ANKRD11: variants seen among roughly 807,000 people sequenced by gnomAD.
ANKRD11 encodes the protein ankyrin repeat domain 11.
Under a neutral mutation model 195.7 loss-of-function variants are expected in ANKRD11, and 17 were observed. The ratio of observed to expected loss-of-function variants is 0.09; its 90% CI spans 0.06 to 0.13. The LOEUF is 0.13. Ranked by LOEUF, ANKRD11 falls within the 10% of genes least tolerant of loss-of-function variation. The probability of loss-of-function intolerance (pLI) is 1.00; values close to 1 mark genes in which losing one functional copy is unlikely to be tolerated. For synonymous variants in ANKRD11, 1,953 were observed against 1,528.1 expected (o/e 1.28, Z -6.49); for missense variants, 3,735 against 3,566.1 (o/e 1.05, Z -1.21).
intron 1 of ANKRD11, among the ~76,000 whole-genome samples, chr16:89,435,851 G>A (rs935839298): frequency 2.7e-5 from 4 of 148,594 alleles, no homozygotes; most frequent in African/African-American, 2.5e-5. Flanking sequence ...CGGTCTGTTC[G>A]CTCAAGGAAC....
intron 2 of ANKRD11, among the ~76,000 whole-genome samples, chr16:89,372,421 G>C (rs1567713971): frequency 6.6e-6 from 1 of 152,168 alleles, no homozygotes; most frequent in Non-Finnish European, 1.5e-5. Flanking sequence ...CGACAAGGCA[G>C]TGGCAGGCGG....
chr16:89,462,035 C>T (rs1275357341), intron 1 of ANKRD11, among the ~76,000 whole-genome samples: 1 of 141,698 alleles, frequency 7.1e-6, no homozygotes, highest in Non-Finnish European at 1.5e-5. Flanking sequence ...TCTCCCTCCC[C>T]CTCTCCCTCT....
chr16:89,284,415 T>C lies in ANKRD11; in HGVS notation c.2127A>G (p.Glu709=), dbSNP rs1471961287. 1.2e-6 allele frequency: 2 copies of C among 1,613,522 alleles called. No homozygotes were observed. Among genetic ancestry groups the C allele is most frequent in the Non-Finnish European group, 1.7e-6 (2 of 1,179,952 alleles). The change falls in exon 9 of 13, where the codon GAA becomes GAG. Residue 709 remains glutamate, a synonymous_variant. Coordinates refer to ENST00000301030, the MANE Select transcript of ANKRD11 (RefSeq NM_013275.6). Reference sequence around the variant, plus strand: ...GTGATTTTTCATCTTTAAAGAGCCATTCTTTTTCTTCTAATTTCATTTTGC... The same window carrying C: ...GTGATTTTTCATCTTTAAAGAGCCACTCTTTTTCTTCTAATTTCATTTTGC... ...KLSKMKLEEK[E]WLFKDEKSLK...
rs756318130 is a variant in ANKRD11, at chr16:89,281,880, C to G, written c.4662G>C (p.Lys1554Asn). 1.2e-6 allele frequency: 2 copies of G among 1,613,924 alleles called. No individual in the cohort carries two copies. The highest frequency in any genetic ancestry group is 2.2e-5 in the East Asian group (1 of 44,870). ...TGCCTGGGTCTTTGGATGGCGCTAC[C>G]TTATCATTCCCGTTGCTCATCTTCA... ...DPVKMSNGND[K>N]VAPSKDPGKK... The change falls in exon 9 of 13, where the codon AAG (lysine) becomes AAC (asparagine). Residue 1554 changes from lysine to asparagine, a missense_variant. Coordinates refer to ENST00000301030, the MANE Select transcript of ANKRD11 (RefSeq NM_013275.6). The surrounding 1 kb of genome is among the most constrained non-coding windows in gnomAD (Gnocchi z 5.5).
intron 1 of ANKRD11, among the ~76,000 whole-genome samples, chr16:89,441,702 C>T (rs563434352): frequency 4.7e-5 from 6 of 128,990 alleles, no homozygotes; most frequent in Admixed American, 3.8e-4. Context: ...AGGAGGCGGA[C>T]TATGCAGTGA....
At chr16:89,308,468 C>T (rs2036424274) in intron 3 of ANKRD11, among the ~76,000 whole-genome samples, 1 of 152,172 alleles carries the variant, frequency 6.6e-6, no homozygotes, top group African/African-American at 2.4e-5. Flanking sequence ...CCAACAGGCA[C>T]TTCACAAAAG....
rs1312365389 is a variant in ANKRD11 at position 89,287,459 on chromosome 16, T to C, written c.744+1069A>G. On this transcript the variant is annotated intron_variant, in intron 7 of 12. Transcript: ENST00000301030. ...CCTTGACATTTTTCGTAATAAAAAG[T>C]TTAAAAGTGGTAATTACAGAACTAT... 9 of 231,148 alleles carry C rather than the reference T, an allele frequency of 3.9e-5. No individual in the cohort carries two copies. The South Asian group carries it at 4.6e-4, about 12-fold the overall frequency. 14.3% of individuals were successfully genotyped at this position (231,148 alleles called of 1,614,324 possible).
At chr16:89,389,907 G>GAGA (rs55674701) in intron 2 of ANKRD11, among the ~76,000 whole-genome samples, 6 of 101,710 alleles carry the variant, frequency 5.9e-5, no homozygotes, top group Admixed American at 1.1e-4. Context: ...AGCACCGAGA[G>GAGA]AGATCACTGG....
intron 11 of ANKRD11, among the ~76,000 whole-genome samples, chr16:89,273,672 G>A (rs1296032355): frequency 6.6e-6 from 1 of 151,806 alleles, no homozygotes; most frequent in Non-Finnish European, 1.5e-5. Flanking sequence ...ACTCCAGCCT[G>A]GCAACAGAGC....
rs777249243 is a variant in ANKRD11, at chr16:89,283,135, T to G, written c.3407A>C (p.Lys1136Thr). The G allele has an allele frequency of 3.5e-5, 57 of 1,613,908 alleles. No individual in the cohort carries two copies. The highest frequency in any genetic ancestry group is 1.6e-4 in the Middle Eastern group (1 of 6,084). The change falls in exon 9 of 13, where the codon AAG (lysine) becomes ACG (threonine). Residue 1136 changes from lysine to threonine, a missense_variant. Transcript: ENST00000301030. This position sits in a 1 kb window ranked among gnomAD's most constrained non-coding sequence, Gnocchi z 4.3. ...DRDSCMGSGF[K>T]MGEASDLPRT... Reference sequence around the variant, plus strand: ...CGGCAAGTCGCTGGCCTCTCCCATCTTGAACCCGCTCCCCATGCAGCTGTC... The same window carrying G: ...CGGCAAGTCGCTGGCCTCTCCCATCGTGAACCCGCTCCCCATGCAGCTGTC...
At chr16:89,326,090 G>C (rs2037701433) in intron 2 of ANKRD11, among the ~76,000 whole-genome samples, 1 of 152,232 alleles carries the variant, frequency 6.6e-6, no homozygotes, top group African/African-American at 2.4e-5. Flanking sequence ...CTTTTACACA[G>C]AAGGCGCCAA....
chr16:89,268,679 C>T lies in ANKRD11; in HGVS notation c.7807-16G>A, dbSNP rs761051391. On this transcript the variant is annotated splice_polypyrimidine_tract_variant and intron_variant, in intron 12 of 12. Transcript: ENST00000301030. Reference sequence around the variant, plus strand: ...GGAGGCAAGTCTGCGGGACACACAGCGGGGAGAGGAGGGAGGAGGAGTGAA... The same window carrying T: ...GGAGGCAAGTCTGCGGGACACACAGTGGGGAGAGGAGGGAGGAGGAGTGAA... The T allele has an allele frequency of 4.4e-6, 7 of 1,576,150 alleles. No homozygotes were observed. The highest frequency in any genetic ancestry group is 1.2e-5 in the South Asian group (1 of 86,362).
At chr16:89,290,979 C>T (rs1188911339) in intron 5 of ANKRD11, 34 bp downstream of exon 5, 3 of 1,610,188 alleles carry the variant, frequency 1.9e-6, no homozygotes, top group Admixed American at 3.3e-5. Context: ...GAGCCCCTTC[C>T]CTGCGCCAGG....
At position 89,280,803 on chromosome 16, in the gene ANKRD11, G is replaced by A. The variant is rs763862589; in HGVS notation, c.5739C>T (p.Thr1913=). Residue 1913 remains threonine, a synonymous_variant, in exon 9 of 13, where the codon ACC becomes ACT. Transcript: ENST00000301030. ...CGGCCGTCGCCTGCTGGTCCTCGGAGGTGTCCAGGTCCGGGGGAAGGGCCC... is the reference window on the plus strand; with the variant it reads ...CGGCCGTCGCCTGCTGGTCCTCGGAAGTGTCCAGGTCCGGGGGAAGGGCCC... ...LEGALPPDLD[T]SEDQQATAAI... 24 of 1,609,242 alleles carry A rather than the reference G, an allele frequency of 1.5e-5. No homozygotes were observed. Among genetic ancestry groups the A allele is most frequent in the South Asian group, 4.4e-5 (4 of 90,910 alleles).
At chr16:89,354,255 A>G (rs1375101149) in intron 2 of ANKRD11, among the ~76,000 whole-genome samples, 2 of 151,904 alleles carry the variant, frequency 1.3e-5, no homozygotes, top group Admixed American at 6.6e-5. Flanking sequence ...AAAAAAAAAA[A>G]AAAAAGAAAA....
chr16:89,462,215 G>A (rs190051207), intron 1 of ANKRD11, among the ~76,000 whole-genome samples: 1,586 of 152,292 alleles, frequency 0.01, 21 homozygotes, highest in African/African-American at 0.036. Context: ...GAGTGCCTGC[G>A]ATTGCAGGCT....
At chr16:89,374,748 C>T (rs1034011570) in intron 2 of ANKRD11, among the ~76,000 whole-genome samples, 1 of 152,186 alleles carries the variant, frequency 6.6e-6, no homozygotes, top group Admixed American at 6.5e-5. Context: ...AACATGCCAG[C>T]TGAAGAACTC....
chr16:89,373,312 C>T (rs1322957934), intron 2 of ANKRD11: 1 of 152,278 alleles, frequency 6.6e-6, no homozygotes, highest in Non-Finnish European at 1.5e-5. Context: ...CAGCATCCAA[C>T]ACAGCAACAC....
chr16:89,346,671 C>T (rs2038956098), intron 2 of ANKRD11, among the ~76,000 whole-genome samples: 1 of 151,988 alleles, frequency 6.6e-6, no homozygotes, highest in African/African-American at 2.4e-5. Context: ...GTAGGAATTT[C>T]GAATATTCAA....
Sources: gnomAD v4.1 joint callset for allele counts (sites outside exome capture counted in the v4.1 genomes callset) on GRCh38, gnomAD v4.1.1 for gene constraint, Gnocchi (gnomAD v3.1) non-coding constraint, MANE v1.5 for transcripts, NCBI Gene and HGNC (gene_info 2026-07-23, HGNC 2026-07-21) for gene names.